The following FBXW7 variants were observed in gnomAD, a reference collection of about 807,000 sequenced individuals.
FBXW7 encodes F-box/WD repeat-containing protein 7.
FBXW7 carries 11 observed loss-of-function variants against 86.3 expected under a neutral mutation model. The ratio of observed to expected loss-of-function variants is 0.13; its 90% CI spans 0.08 to 0.21. The LOEUF (loss-of-function observed/expected upper bound fraction) is 0.21. Among genes scored for constraint, FBXW7 ranks in the 10% least tolerant of loss-of-function variants. The pLI is 1.00. For missense variants in FBXW7, 488 were observed against 847.4 expected (o/e 0.58, Z 5.27); for synonymous variants, 313 against 297.9 (o/e 1.05, Z -0.52).
At chr4:152,495,923 T>C (rs1052207647) in intron 2 of FBXW7, among the ~76,000 whole-genome samples, 18 of 152,202 alleles carry the variant, frequency 1.2e-4, no homozygotes, top group African/African-American at 4.3e-4. Context: ...ATGCCTGTAA[T>C]CTCAGCACTC....
chr4:152,457,667 A>AAC (rs1742554527), intron 2 of FBXW7, among the ~76,000 whole-genome samples: 1 of 148,066 alleles, frequency 6.8e-6, no homozygotes, highest in African/African-American at 2.5e-5. Context: ...AAAAAAAAAG[A>AAC]ACTCAATAAA....
At chr4:152,439,030 T>G (rs1288872231) in intron 2 of FBXW7, among the ~76,000 whole-genome samples, 1 of 152,206 alleles carries the variant, frequency 6.6e-6, no homozygotes, top group African/African-American at 2.4e-5. Flanking sequence ...AGTAAAGTTT[T>G]AAAGCCAGCA....
intron 2 of FBXW7, among the ~76,000 whole-genome samples, chr4:152,525,741 T>C (rs554430869): frequency 6.6e-6 from 1 of 152,304 alleles, no homozygotes; most frequent in African/African-American, 2.4e-5. Flanking sequence ...TTTGCTATTG[T>C]GATTAGTGCT....
intron 4 of FBXW7, among the ~76,000 whole-genome samples, chr4:152,368,215 T>A (rs1034322649): frequency 4.6e-5 from 7 of 152,130 alleles, no homozygotes; most frequent in African/African-American, 1.7e-4. Context: ...CTTCTCTACA[T>A]ACCAGCTGTA....
At chr4:152,494,883 A>G (rs1937222413) in intron 2 of FBXW7, among the ~76,000 whole-genome samples, 1 of 152,224 alleles carries the variant, frequency 6.6e-6, no homozygotes, top group African/African-American at 2.4e-5. Context: ...AGATGATACT[A>G]TACTACTAAT....
chr4:152,507,351 A>G (rs1429777976), intron 2 of FBXW7, among the ~76,000 whole-genome samples: 2 of 152,230 alleles, frequency 1.3e-5, no homozygotes, highest in African/African-American at 4.8e-5. Context: ...AGCTCTTAGA[A>G]AAGTTTTTTA....
At chr4:152,498,721 C>G (rs1418451798) in intron 2 of FBXW7, among the ~76,000 whole-genome samples, 1 of 152,168 alleles carries the variant, frequency 6.6e-6, no homozygotes, top group Non-Finnish European at 1.5e-5. Flanking sequence ...AAAAATCCAT[C>G]AGGCTGCTGG....
intron 2 of FBXW7, among the ~76,000 whole-genome samples, chr4:152,497,343 C>CCACACACACA (rs753468896): frequency 9.2e-5 from 8 of 86,944 alleles, no homozygotes; most frequent in East Asian, 7.3e-4. Flanking sequence ...AAAAAAAAAA[C>CCACACACACA]CACACACACA....
At chr4:152,517,818 G>A (rs1308794383) in intron 2 of FBXW7, among the ~76,000 whole-genome samples, 2 of 152,146 alleles carry the variant, frequency 1.3e-5, no homozygotes, top group Non-Finnish European at 2.9e-5. Flanking sequence ...AAGGAAACCT[G>A]TAGTAGATTA....
intron 2 of FBXW7, among the ~76,000 whole-genome samples, chr4:152,515,914 C>A (rs1397316508): frequency 6.6e-6 from 1 of 152,160 alleles, no homozygotes; most frequent in Non-Finnish European, 1.5e-5. Flanking sequence ...AATAACTTGG[C>A]CACATGGCAA....
At chr4:152,340,568 T>A in intron 6 of FBXW7, among the ~76,000 whole-genome samples, 2 of 94,548 alleles carry the variant, frequency 2.1e-5, no homozygotes, top group South Asian at 3.7e-4. Context: ...AGAGCGAAAC[T>A]CCATCTCAAA....
chr4:152,470,442 A>C (rs1743843275), intron 2 of FBXW7, among the ~76,000 whole-genome samples: 1 of 152,134 alleles, frequency 6.6e-6, no homozygotes, highest in Admixed American at 6.5e-5. Context: ...GAGTCTACTG[A>C]GTTAAAACAG....
At chr4:152,436,923 C>T (rs1239252430) in intron 2 of FBXW7, among the ~76,000 whole-genome samples, 4 of 152,188 alleles carry the variant, frequency 2.6e-5, no homozygotes, top group Non-Finnish European at 5.9e-5. Context: ...CCTGGTCACC[C>T]AAGAGCTCTG....
intron 2 of FBXW7, among the ~76,000 whole-genome samples, chr4:152,532,840 C>T (rs988424705): frequency 6.6e-6 from 1 of 152,170 alleles, no homozygotes; most frequent in Non-Finnish European, 1.5e-5. Context: ...ATCTCAAAGG[C>T]AGGGACCCCA....
In FBXW7 at chr4:152,342,236, T is replaced by C. The variant is rs139894735; in HGVS notation, c.727-4300A>G. ...CAGGTAAATTAGGGCACAGAGGTAGTAGAGAAGAGTAGAAGGAGCACTAAA... is the reference window on the plus strand; with the variant it reads ...CAGGTAAATTAGGGCACAGAGGTAGCAGAGAAGAGTAGAAGGAGCACTAAA... On this transcript the variant is annotated intron_variant, in intron 6 of 13. Coordinates refer to ENST00000281708, the MANE Select transcript of FBXW7 (RefSeq NM_001349798.2). Among the ~76,000 whole-genome samples the C allele has an allele frequency of 5.3e-5, 8 of 152,190 alleles. No homozygotes were observed. The East Asian group carries it at 1.4e-3, about 26-fold the overall frequency.
intron 2 of FBXW7, among the ~76,000 whole-genome samples, chr4:152,417,403 A>C (rs1452440163): frequency 2.0e-5 from 3 of 152,134 alleles, no homozygotes. Context: ...AAATTTAGTC[A>C]AAAAGCTATT....
At chr4:152,404,327 T>C (rs1737220998) in intron 4 of FBXW7, among the ~76,000 whole-genome samples, 1 of 152,212 alleles carries the variant, frequency 6.6e-6, no homozygotes, top group Non-Finnish European at 1.5e-5. Flanking sequence ...AAGAGGCATA[T>C]ATGCTTGTTA....
At chr4:152,342,052 G>C (rs1219250230) in intron 6 of FBXW7, among the ~76,000 whole-genome samples, 1 of 142,714 alleles carries the variant, frequency 7.0e-6, no homozygotes, top group Non-Finnish European at 1.5e-5. Flanking sequence ...TCAGAAAAGA[G>C]AAAAAAAAAA....
chr4:152,530,196 TTTG>T (rs750961642), intron 2 of FBXW7: 5 of 152,058 alleles, frequency 3.3e-5, no homozygotes, highest in East Asian at 3.8e-4. Flanking sequence ...ATTTAAGTGA[TTTG>T]TTAATATACA....
Sources: gnomAD v4.1 joint callset for allele counts (sites outside exome capture counted in the v4.1 genomes callset) on GRCh38, gnomAD v4.1.1 for gene constraint, MANE v1.5 for transcripts, NCBI Gene and HGNC (gene_info 2026-07-23, HGNC 2026-07-21) for gene names.